Variants in TENM4 observed in about 807,000 individuals in gnomAD.
The protein encoded by TENM4 is teneurin-4.
Under a neutral mutation model 243.3 loss-of-function variants are expected in TENM4, and 82 were observed. That is an observed-to-expected ratio of 0.34 (90% CI 0.28 to 0.40). The LOEUF is 0.40. TENM4 is among the 10% of genes least tolerant of loss of function. The pLI is 1.00. For synonymous variants in TENM4, 1,412 were observed against 1,456.3 expected, an observed-to-expected ratio of 0.97 and a Z score of 0.69; for missense variants, 3,138 against 3,673.3, an observed-to-expected ratio of 0.85 and a Z score of 3.77.
At chr11:78,877,900 T>C (rs923668625) in intron 9 of TENM4, among the ~76,000 whole-genome samples, 3 of 152,178 alleles carry the variant, frequency 2.0e-5, no homozygotes, top group Non-Finnish European at 4.4e-5. Flanking sequence ...CAGCAGCCTC[T>C]TATCTACATT....
rs138835626 is a variant in TENM4 at position 78,738,758 on chromosome 11, A to G, written c.2757-188T>C. ...AAATATCACCTCAGTTTAGGGCATC[A>G]AAGTGTCCTTGAGAGAATTACTATT... On this transcript the variant is annotated intron_variant, in intron 19 of 33. Transcript: ENST00000278550. Among the ~76,000 whole-genome samples, 416 of 152,320 alleles carry G rather than the reference A, an allele frequency of 2.7e-3. 1 individual carries two copies. The South Asian group carries it at 0.029, about 11-fold the overall frequency.
chr11:79,209,296 C>T lies in TENM4; in HGVS notation c.-163+6512G>A, dbSNP rs147879861. 1.4e-4 allele frequency among the ~76,000 whole-genome samples: 21 copies of T among 152,274 alleles called. No homozygotes were observed. The East Asian group carries it at 2.3e-3, about 17-fold the overall frequency. ...TGAGTTCACTCTGCTAACCCCAACC[C>T]GGCCGGCCTTGGGAAAGGGCAGAAT... On this transcript the variant is annotated intron_variant, in intron 3 of 33. Transcript: ENST00000278550.
At chr11:78,912,307 T>G (rs965573763) in intron 6 of TENM4, among the ~76,000 whole-genome samples, 1 of 152,082 alleles carries the variant, frequency 6.6e-6, no homozygotes, top group African/African-American at 2.4e-5. Context: ...CAGGCTGGAG[T>G]GCAGTGGTGC....
At chr11:79,066,399 A>T (rs1164340415) in intron 5 of TENM4, among the ~76,000 whole-genome samples, 1 of 152,200 alleles carries the variant, frequency 6.6e-6, no homozygotes, top group African/African-American at 2.4e-5. Context: ...GTAGGAGGCG[A>T]GCCAGCAGAG....
chr11:78,822,726 G>T lies in TENM4; in HGVS notation c.1682-8331C>A, dbSNP rs539825013. On this transcript the variant is annotated intron_variant, in intron 12 of 33. Transcript: ENST00000278550. ...CATGCACATGTACCCTGGAACTTAA[G>T]ATAAAATTTTTTTTTTAAAAAAAGA... is the stretch of plus-strand genomic sequence containing the variant. 6.8e-4 allele frequency among the ~76,000 whole-genome samples: 103 copies of T among 151,902 alleles called. 1 individual carries two copies. The highest frequency in any genetic ancestry group is 2.5e-3 in the African/African-American group (102 of 41,294).
At position 79,416,671 on chromosome 11, in the gene TENM4, G is replaced by A. The variant is rs144147994; in HGVS notation, c.-321+23838C>T. On this transcript the variant is annotated intron_variant, in intron 1 of 33. Transcript: ENST00000278550. ...ACCTAACGAGATGGTATTAAGATCC[G>A]GGTTTCCAGATGGGGAAACTGAGGC... Among the ~76,000 whole-genome samples the A allele has an allele frequency of 4.5e-3, 677 of 152,078 alleles. 3 individuals are homozygous for A. Among genetic ancestry groups the A allele is most frequent in the African/African-American group, 0.016 (643 of 41,466 alleles).
chr11:78,660,867 T>A (rs1420205092), intron 33 of TENM4, among the ~76,000 whole-genome samples: 1 of 152,108 alleles, frequency 6.6e-6, no homozygotes, highest in Non-Finnish European at 1.5e-5. Context: ...TCTTTGAAAT[T>A]GGGTTATAAA....
chr11:78,742,829 A>T (rs1360447237), intron 19 of TENM4, among the ~76,000 whole-genome samples: 1 of 152,166 alleles, frequency 6.6e-6, no homozygotes, highest in African/African-American at 2.4e-5. Context: ...AAATCAAGCA[A>T]ATAAAAAGCC....
chr11:79,274,001 G>A (rs1346085587), intron 2 of TENM4, among the ~76,000 whole-genome samples: 2 of 152,194 alleles, frequency 1.3e-5, no homozygotes, highest in Non-Finnish European at 2.9e-5. Flanking sequence ...CTCCTCCTCA[G>A]CATCTGCAAG....
intron 12 of TENM4, among the ~76,000 whole-genome samples, chr11:78,833,026 G>A (rs1858018470): frequency 6.6e-6 from 1 of 152,210 alleles, no homozygotes; most frequent in Non-Finnish European, 1.5e-5. Context: ...GGTGCTAAGT[G>A]AGGAGATGTA....
chr11:78,836,904 C>CA (rs1328015828), intron 12 of TENM4, among the ~76,000 whole-genome samples: 1 of 152,182 alleles, frequency 6.6e-6, no homozygotes, highest in Non-Finnish European at 1.5e-5. Context: ...ACAGAGCTGA[C>CA]AAAACATACA....
intron 3 of TENM4, among the ~76,000 whole-genome samples, chr11:79,213,886 C>T (rs1863997864): frequency 1.3e-5 from 2 of 152,212 alleles, no homozygotes; most frequent in East Asian, 1.9e-4. Flanking sequence ...ATAAGAATAC[C>T]TTATGGGGTT....
chr11:79,227,637 C>A (rs1046526924), intron 2 of TENM4, among the ~76,000 whole-genome samples: 2 of 152,212 alleles, frequency 1.3e-5, no homozygotes, highest in African/African-American at 4.8e-5. Flanking sequence ...ATGGGGGACA[C>A]AAAAGCAGGT....
At chr11:78,713,974 C>T (rs1460283689) in intron 25 of TENM4, among the ~76,000 whole-genome samples, 1 of 152,070 alleles carries the variant, frequency 6.6e-6, no homozygotes, top group African/African-American at 2.4e-5. Context: ...TCCAAGTCTC[C>T]GGAAGGTATT....
intron 6 of TENM4, among the ~76,000 whole-genome samples, chr11:79,063,650 C>T (rs1860158066): frequency 6.6e-6 from 1 of 152,160 alleles, no homozygotes; most frequent in African/African-American, 2.4e-5. Flanking sequence ...GGGGAGATTC[C>T]CCCCAGGCAA....
chr11:78,797,673 G>A (rs578088694), intron 15 of TENM4, among the ~76,000 whole-genome samples: 2 of 152,222 alleles, frequency 1.3e-5, no homozygotes, highest in Admixed American at 6.5e-5. Context: ...TGTCTAAACC[G>A]CCACACTACC....
chr11:79,208,161 G>A (rs1176649395), intron 3 of TENM4, among the ~76,000 whole-genome samples: 1 of 152,154 alleles, frequency 6.6e-6, no homozygotes, highest in East Asian at 1.9e-4. Flanking sequence ...CATCTCAATG[G>A]CCAGCAGAGG....
chr11:79,022,676 T>C (rs1042110627), intron 6 of TENM4, among the ~76,000 whole-genome samples: 1 of 152,162 alleles, frequency 6.6e-6, no homozygotes, highest in Non-Finnish European at 1.5e-5. Flanking sequence ...GAAACTGATA[T>C]ACCAAATAAG....
intron 3 of TENM4, among the ~76,000 whole-genome samples, chr11:79,150,530 C>G (rs2135055869): frequency 6.6e-6 from 1 of 152,298 alleles, no homozygotes; most frequent in Non-Finnish European, 1.5e-5. Context: ...TAGACCACCA[C>G]TTCCTCCACT....
Sources: gnomAD v4.1 joint callset for allele counts (sites outside exome capture counted in the v4.1 genomes callset) on GRCh38, gnomAD v4.1.1 for gene constraint, MANE v1.5 for transcripts, NCBI Gene and HGNC (gene_info 2026-07-23, HGNC 2026-07-21) for gene names.